The following SLIT3 variants were observed in gnomAD, a reference collection of about 807,000 sequenced individuals.
SLIT3 encodes slit guidance ligand 3.
A neutral mutation model predicts 184.0 loss-of-function variants in SLIT3; 68 were observed. The ratio of observed to expected loss-of-function variants is 0.37; its 90% CI spans 0.30 to 0.45. The LOEUF is 0.45. SLIT3 is among the 20% of genes least tolerant of loss of function. SLIT3 has a pLI of 1.00. For synonymous variants in SLIT3, 831 were observed against 828.6 expected, an observed-to-expected ratio of 1.00 and a Z score of -0.05; for missense variants, 1,707 against 2,026.0, an observed-to-expected ratio of 0.84 and a Z score of 3.02.
At chr5:169,003,401 A>G (rs10062450) in intron 4 of SLIT3, among the ~76,000 whole-genome samples, 14,296 of 152,236 alleles carry the variant, frequency 0.094, 907 homozygotes, top group African/African-American at 0.17. Context: ...GACCCTGCTC[A>G]GCTTCTAGAA....
At chr5:168,713,285 A>G (rs1318396135) in intron 23 of SLIT3, among the ~76,000 whole-genome samples, 1 of 152,218 alleles carries the variant, frequency 6.6e-6, no homozygotes, top group East Asian at 1.9e-4. Flanking sequence ...CCTGTGGTGT[A>G]GGCAGCTAGG....
chr5:168,774,565 G>C (rs1755675514), intron 12 of SLIT3, among the ~76,000 whole-genome samples, 187 bp from the exon 13 acceptor site: 1 of 152,092 alleles, frequency 6.6e-6, no homozygotes, highest in Admixed American at 6.5e-5. Context: ...AAACACTTCT[G>C]GGCACCTGCA....
At position 168,696,446 on chromosome 5, in the gene SLIT3, G is replaced by T; in HGVS notation, c.2943-15C>A. The T allele has an allele frequency of 6.2e-7, 1 of 1,613,946 alleles. No individual in the cohort carries two copies. The stretch of plus-strand genomic sequence containing the variant: ...GGCAGGAGCAGCTTTGGGATGTGAG[G>T]GGTGGAGAGCAGGGGAGTCAGGGGT... On this transcript the variant is annotated splice_polypyrimidine_tract_variant and intron_variant, in intron 27 of 35. Coordinates refer to ENST00000519560, the MANE Select transcript of SLIT3 (RefSeq NM_003062.4).
rs1469046250 is a variant in SLIT3 at position 168,661,952 on chromosome 5, C to G, written c.*4502G>C. 2 of 152,208 alleles carry G rather than the reference C, an allele frequency of 1.3e-5. No homozygotes were observed. The highest frequency in any genetic ancestry group is 1.5e-5 in the Non-Finnish European group (1 of 68,046). 9.4% of individuals were successfully genotyped at this position (152,208 alleles called of 1,614,324 possible). A position where few individuals can be genotyped will look rare whatever the true frequency, so the allele number is the denominator to read the frequency against. On this transcript the variant is annotated 3_prime_UTR_variant, in exon 36 of 36. Coordinates refer to ENST00000519560, the MANE Select transcript of SLIT3 (RefSeq NM_003062.4). Reference sequence around the variant, plus strand: ...TAGAAAAGCAAGCTTTGCCAAATGCCTGATTATGCCTTTACTGGTCCTGCT... The same window carrying G: ...TAGAAAAGCAAGCTTTGCCAAATGCGTGATTATGCCTTTACTGGTCCTGCT...
At position 168,995,987 on chromosome 5, in the gene SLIT3, C is replaced by T. The variant is rs117570134; in HGVS notation, c.414-112651G>A. On this transcript the variant is annotated intron_variant, in intron 4 of 35. Transcript: ENST00000519560. The stretch of plus-strand genomic sequence containing the variant: ...AACCGTGAGTAACCCCATCACCCTC[C>T]CACCCCAGGACATTCAGTTGGTGAC... 1.2e-3 allele frequency among the ~76,000 whole-genome samples: 187 copies of T among 152,312 alleles called. 6 individuals carry two copies. The East Asian group carries it at 0.035, about 28-fold the overall frequency.
intron 5 of SLIT3, among the ~76,000 whole-genome samples, chr5:168,874,168 TA>T (rs5873129): frequency 0.014 from 2,177 of 151,176 alleles, 26 homozygotes; most frequent in East Asian, 0.048. Context: ...TGTAATGAGT[TA>T]AAAAAAAAAT....
At chr5:168,883,412 A>C in intron 4 of SLIT3, 76 bp from the exon 5 acceptor site, 4 of 1,128,678 alleles carry the variant, frequency 3.5e-6, no homozygotes, top group Non-Finnish European at 5.3e-6. Context: ...AATGATAACA[A>C]TCCCCCCCAC....
chr5:169,004,712 G>C lies in SLIT3; in HGVS notation c.414-121376C>G, dbSNP rs114490724. On this transcript the variant is annotated intron_variant, in intron 4 of 35. Transcript: ENST00000519560. ...GATGGTATTTGGAGGTGGAGCCTTT[G>C]GGAAGGAATTAGGTATAGATGAGGT... Among the ~76,000 whole-genome samples, 1,170 of 152,168 alleles carry C rather than the reference G, an allele frequency of 7.7e-3. 12 individuals are homozygous for C. Among genetic ancestry groups the C allele is most frequent in the African/African-American group, 0.027 (1,128 of 41,504 alleles).
At chr5:168,753,131 A>G in intron 17 of SLIT3, 33 bp from the exon 18 acceptor site, 2 of 1,611,262 alleles carry the variant, frequency 1.2e-6, no homozygotes, top group Non-Finnish European at 8.5e-7. Context: ...GAGAGAGCAC[A>G]GGCATGATCT....
intron 4 of SLIT3, among the ~76,000 whole-genome samples, chr5:168,957,733 T>C (rs576167178): frequency 2.2e-4 from 34 of 151,794 alleles, no homozygotes; most frequent in African/African-American, 7.5e-4. Flanking sequence ...TTTAACAAGC[T>C]CCTCCGGTGA....
At chr5:169,217,283 T>G (rs965103532) in intron 3 of SLIT3, among the ~76,000 whole-genome samples, 16 of 152,134 alleles carry the variant, frequency 1.1e-4, no homozygotes, top group African/African-American at 3.9e-4. Context: ...TTTCTTCTTA[T>G]TAAAAGACAA....
At position 168,914,815 on chromosome 5, in the gene SLIT3, G is replaced by A. The variant is rs1761380738; in HGVS notation, c.414-31479C>T. 2.0e-5 allele frequency among the ~76,000 whole-genome samples: 3 copies of A among 152,116 alleles called. No individual in the cohort carries two copies. The South Asian group carries it at 6.2e-4, about 32-fold the overall frequency. ...ACCTAATCCTGTGTCTGGGTGGGGAGGGTCGTTCATAAAAGAACACATGCC... is the reference window on the plus strand; with the variant it reads ...ACCTAATCCTGTGTCTGGGTGGGGAAGGTCGTTCATAAAAGAACACATGCC... On this transcript the variant is annotated intron_variant, in intron 4 of 35. Coordinates refer to ENST00000519560, the MANE Select transcript of SLIT3 (RefSeq NM_003062.4).
At chr5:168,750,994 G>T (rs571351757) in intron 18 of SLIT3, among the ~76,000 whole-genome samples, 1 of 151,826 alleles carries the variant, frequency 6.6e-6, no homozygotes, top group African/African-American at 2.4e-5. Context: ...TGGCAGAGGG[G>T]TAGAACGGGG....
At chr5:169,126,752 G>T (rs1761095226) in intron 4 of SLIT3, among the ~76,000 whole-genome samples, 1 of 152,216 alleles carries the variant, frequency 6.6e-6, no homozygotes, top group South Asian at 2.1e-4. Context: ...GGCTGGAGAG[G>T]CAGGCCCTGC....
intron 4 of SLIT3, among the ~76,000 whole-genome samples, chr5:168,972,337 A>ATGTG (rs60588036): frequency 0.12 from 14,062 of 118,230 alleles, 1,169 homozygotes; most frequent in Non-Finnish European, 0.14. Flanking sequence ...GCAGGACAAC[A>ATGTG]TGTGTGTGTG....
intron 4 of SLIT3, among the ~76,000 whole-genome samples, chr5:169,117,782 C>A (rs1220992936): frequency 6.6e-6 from 1 of 152,200 alleles, no homozygotes; most frequent in Non-Finnish European, 1.5e-5. Context: ...TTCTCCTATA[C>A]AAGGTGAGTG....
chr5:169,113,619 A>T (rs1190891380), intron 4 of SLIT3, among the ~76,000 whole-genome samples: 4 of 150,812 alleles, frequency 2.7e-5, no homozygotes, highest in Admixed American at 1.3e-4. Context: ...ACTGATATAT[A>T]ATGTATATCT....
chr5:168,699,479 C>T (rs1307620341), intron 27 of SLIT3, among the ~76,000 whole-genome samples: 1 of 152,208 alleles, frequency 6.6e-6, no homozygotes, highest in Admixed American at 6.5e-5. Context: ...TGGTCAGAGC[C>T]ACAGGCCAGT....
At chr5:169,284,749 C>A (rs1196446381) in intron 1 of SLIT3, among the ~76,000 whole-genome samples, 1 of 152,174 alleles carries the variant, frequency 6.6e-6, no homozygotes, top group African/African-American at 2.4e-5. Context: ...TGCTACACTA[C>A]CTCACAATAT....
Sources: allele counts gnomAD v4.1 joint callset (sites outside exome capture counted in the v4.1 genomes callset), GRCh38; gene constraint gnomAD v4.1.1; transcripts MANE v1.5; gene names NCBI Gene and HGNC (gene_info 2026-07-23, HGNC 2026-07-21).